Variants in AP3B1 observed in about 807,000 individuals in gnomAD.
The protein encoded by AP3B1 is AP-3 complex subunit beta-1.
In AP3B1, 61 loss-of-function variants were observed where a neutral mutation model predicts 132.5. The observed-to-expected ratio is 0.46, with a 90% CI of 0.37 to 0.57. The LOEUF (loss-of-function observed/expected upper bound fraction) is 0.57. AP3B1 is among the 20% of genes least tolerant of loss of function. The probability of loss-of-function intolerance (pLI) is 0.00; values close to 1 mark genes in which losing one functional copy is unlikely to be tolerated. For synonymous variants in AP3B1, 388 were observed against 438.3 expected, an observed-to-expected ratio of 0.89 and a Z score of 1.43; for missense variants, 1,120 against 1,289.4, an observed-to-expected ratio of 0.87 and a Z score of 2.01.
intron 17 of AP3B1, among the ~76,000 whole-genome samples, chr5:78,117,027 G>T (rs909336626): frequency 6.6e-6 from 1 of 151,866 alleles, no homozygotes; most frequent in Non-Finnish European, 1.5e-5. Context: ...TGTCCCCGTC[G>T]CCTGCCTCTC....
At chr5:78,166,246 A>C (rs1743626439) in intron 11 of AP3B1, among the ~76,000 whole-genome samples, 1 of 152,046 alleles carries the variant, frequency 6.6e-6, no homozygotes, top group Non-Finnish European at 1.5e-5. Flanking sequence ...TATGTCCACA[A>C]ACAGATATTA....
chr5:78,097,312 C>T (rs1439337475), intron 21 of AP3B1, among the ~76,000 whole-genome samples: 3 of 136,882 alleles, frequency 2.2e-5, no homozygotes, highest in African/African-American at 5.4e-5. Flanking sequence ...GCCCGGCCAG[C>T]AGCCCCGTCC....
Position 78,128,116 on chromosome 5 carries a change from T to C in AP3B1, c.1882A>G (p.Ile628Val), listed in dbSNP as rs767098447. The change falls in exon 17 of 27, where the codon ATT becomes GTT. Residue 628 changes from isoleucine to valine, a missense_variant. Physicochemically the swap from Ile to Val is conservative, Grantham distance 29. Around this residue, in one of 3 missense-constraint regions of AP3B1, gnomAD observed 906 missense variants for 997.1 expected, o/e 0.91. Transcript: ENST00000255194. The part of the protein sequence containing the change: ...QLGTLSHTLN[I>V]KATGYLELSN... ...AATTCCAGGTACCCAGTAGCTTTAA[T>C]GTTGAGAGTATGAGATAAGGTGCCA... 41 of 1,612,686 alleles carry C rather than the reference T, an allele frequency of 2.5e-5. No homozygotes were observed. The highest frequency in any genetic ancestry group is 1.6e-4 in the Middle Eastern group (1 of 6,076).
chr5:78,107,989 A>G lies in AP3B1; in HGVS notation c.2397+2218T>C, dbSNP rs139445264. ...AGGTACTAGCATGTCTGCTTTACAG[A>G]TGAGGAAACTGAAACAAAGATATTC... On this transcript the variant is annotated intron_variant, in intron 20 of 26. Transcript: ENST00000255194. Among the ~76,000 whole-genome samples, 466 of 152,330 alleles carry G rather than the reference A, an allele frequency of 3.1e-3. 2 individuals carry two copies. Among genetic ancestry groups the G allele is most frequent in the African/African-American group, 0.011 (444 of 41,582 alleles).
chr5:78,294,032 C>T (rs970353528), intron 1 of AP3B1, among the ~76,000 whole-genome samples: 7 of 152,110 alleles, frequency 4.6e-5, no homozygotes, highest in African/African-American at 1.7e-4. Flanking sequence ...CCACAAGCAA[C>T]ACTCGCACTC....
intron 7 of AP3B1, among the ~76,000 whole-genome samples, chr5:78,184,748 T>C (rs1231821603): frequency 1.3e-5 from 2 of 150,868 alleles, no homozygotes; most frequent in African/African-American, 2.5e-5. Context: ...TAACATTCCT[T>C]TCATCTATTA....
chr5:78,280,649 C>T (rs890324170), intron 1 of AP3B1, among the ~76,000 whole-genome samples: 1 of 151,958 alleles, frequency 6.6e-6, no homozygotes, highest in African/African-American at 2.4e-5. Context: ...GATATGCCAA[C>T]TCAAAGCTAG....
At chr5:78,120,573 A>G (rs919017818) in intron 17 of AP3B1, among the ~76,000 whole-genome samples, 2 of 152,178 alleles carry the variant, frequency 1.3e-5, no homozygotes, top group African/African-American at 4.8e-5. Context: ...CTTTAAACCA[A>G]CAAAGATCAA....
rs571841266 is a variant in AP3B1, at chr5:78,018,273, T to C, written c.2992+2419A>G. On this transcript the variant is annotated intron_variant, in intron 25 of 26. Transcript: ENST00000255194. ...GGAGGCTTATATACATAACCGTCAATACGTAGAATAATCTAATCTTTCATT... is the reference window on the plus strand; with the variant it reads ...GGAGGCTTATATACATAACCGTCAACACGTAGAATAATCTAATCTTTCATT... Among the ~76,000 whole-genome samples, 28 of 152,102 alleles carry C rather than the reference T, an allele frequency of 1.8e-4. No individual in the cohort carries two copies. In the South Asian group the frequency reaches 5.4e-3, roughly 29 times the overall value.
At chr5:78,252,030 C>T (rs1747660399) in intron 2 of AP3B1, among the ~76,000 whole-genome samples, 3 of 152,078 alleles carry the variant, frequency 2.0e-5, no homozygotes, top group Admixed American at 1.3e-4. Flanking sequence ...AGTCATGAGG[C>T]CCCCATTCCA....
intron 22 of AP3B1, chr5:78,042,429 T>C (rs1454918406): frequency 6.6e-6 from 1 of 152,336 alleles, no homozygotes; most frequent in Non-Finnish European, 1.5e-5. Context: ...TGTGATGGTG[T>C]CTTGCTTTGC....
intron 7 of AP3B1, among the ~76,000 whole-genome samples, chr5:78,206,055 T>C (rs143416061): frequency 1.0e-4 from 15 of 150,634 alleles, no homozygotes; most frequent in Non-Finnish European, 1.6e-4. Flanking sequence ...TATGAGCTGA[T>C]TTTTTTTAAT....
chr5:78,225,452 AAATAC>A (rs2112491689), intron 6 of AP3B1, 85 bp downstream of exon 6: 1 of 722,854 alleles, frequency 1.4e-6, no homozygotes, highest in East Asian at 2.9e-5. Flanking sequence ...TGAAATCAAT[AAATAC>A]AACTATATAA....
intron 19 of AP3B1, 66 bp from the exon 20 acceptor site, chr5:78,110,420 AT>A (rs1439979163): frequency 7.7e-7 from 1 of 1,306,452 alleles, no homozygotes; most frequent in Admixed American, 2.2e-5. Context: ...TTATAAAAAA[AT>A]TGTTTTTAAA....
At chr5:78,252,553 G>C (rs1747683567) in intron 2 of AP3B1, among the ~76,000 whole-genome samples, 1 of 152,182 alleles carries the variant, frequency 6.6e-6, no homozygotes, top group Non-Finnish European at 1.5e-5. Flanking sequence ...AGAGACCTTG[G>C]GCGTTAAGGG....
At chr5:78,181,326 G>C (rs1318793838) in intron 8 of AP3B1, among the ~76,000 whole-genome samples, 181 bp downstream of exon 8, 1 of 152,020 alleles carries the variant, frequency 6.6e-6, no homozygotes, top group Non-Finnish European at 1.5e-5. Flanking sequence ...TCAGACATTA[G>C]GTCTCTAAAT....
intron 1 of AP3B1, among the ~76,000 whole-genome samples, chr5:78,284,063 C>T (rs1749169310): frequency 6.6e-6 from 1 of 152,154 alleles, no homozygotes; most frequent in African/African-American, 2.4e-5. Flanking sequence ...TGCCTCTAAA[C>T]CAGCAGTATC....
At chr5:78,058,034 A>C (rs1748888587) in intron 22 of AP3B1, among the ~76,000 whole-genome samples, 1 of 152,210 alleles carries the variant, frequency 6.6e-6, no homozygotes, top group South Asian at 2.1e-4. Flanking sequence ...TTTTTGAAAA[A>C]TGTAAATTAC....
At chr5:78,059,875 C>G (rs1044461366) in intron 22 of AP3B1, among the ~76,000 whole-genome samples, 1 of 152,024 alleles carries the variant, frequency 6.6e-6, no homozygotes, top group African/African-American at 2.4e-5. Flanking sequence ...TGGTAAAATA[C>G]ACATAAAGAA....
Sources: allele counts gnomAD v4.1 joint callset (sites outside exome capture counted in the v4.1 genomes callset), GRCh38; gene constraint gnomAD v4.1.1; regional missense constraint gnomAD v4.1.1; transcripts MANE v1.5; gene names NCBI Gene and HGNC (gene_info 2026-07-23, HGNC 2026-07-21).